C10orf53: variants seen among roughly 807,000 people sequenced by gnomAD.
C10orf53 encodes UPF0728 protein C10orf53.
A neutral mutation model predicts 9.4 loss-of-function variants in C10orf53; 8 were observed. The observed-to-expected ratio is 0.85, with a 90% CI of 0.50 to 1.53. The LOEUF is 1.53. Among genes scored for constraint, C10orf53 ranks in the 40% most tolerant of loss-of-function variants. C10orf53 has a pLI of 0.00. For synonymous variants in C10orf53, 48 were observed against 46.0 expected (o/e 1.04, Z -0.18); for missense variants, 117 against 117.8 (o/e 0.99, Z 0.03).
rs1479389216 is a variant in C10orf53, at chr10:49,696,634, C to A, written c.*2032C>A. Among the ~76,000 whole-genome samples, 1 of 152,136 alleles carries A rather than the reference C, an allele frequency of 6.6e-6. No individual in the cohort carries two copies. Among genetic ancestry groups the A allele is most frequent in the Non-Finnish European group, 1.5e-5 (1 of 68,046 alleles). ...GACAGTACACGGATTCTAAGAAATA[C>A]CGGAGAAGCTTCTGGGAGATGCCTG... On this transcript the variant is annotated 3_prime_UTR_variant, in exon 3 of 3. Coordinates refer to ENST00000374111, the MANE Select transcript of C10orf53 (RefSeq NM_001042427.3).
At chr10:49,692,369 A>T (rs1840593178) in intron 1 of C10orf53, among the ~76,000 whole-genome samples, 1 of 152,358 alleles carries the variant, frequency 6.6e-6, no homozygotes, top group Admixed American at 6.5e-5. Flanking sequence ...CCTTTCCAGA[A>T]GTGAAATTAA....
chr10:49,689,494 G>A (rs1840561480), intron 1 of C10orf53, among the ~76,000 whole-genome samples: 1 of 152,150 alleles, frequency 6.6e-6, no homozygotes, highest in Non-Finnish European at 1.5e-5. Context: ...GTAGAATCCA[G>A]CTGTTCCATT....
At chr10:49,699,617 G>GCA (rs572082781), downstream of C10orf53, among the ~76,000 whole-genome samples, 257 of 152,128 alleles carry the variant, frequency 1.7e-3, 1 homozygote, top group African/African-American at 5.5e-3. Flanking sequence ...CTTGCAGGGG[G>GCA]CACTCCAGTT....
Position 49,709,945 on chromosome 10 carries a change from CTGTGTGTG to C in C10orf53, c.*1348_*1355del, listed in dbSNP as rs147584592. 6.7e-3 allele frequency: 753 copies of C among 112,094 alleles called. 3 individuals carry two copies. The highest frequency in any genetic ancestry group is 9.9e-3 in the Non-Finnish European group (504 of 50,968). The allele number at this position is 112,094 out of a possible 1,614,324, so 6.9% of individuals were successfully genotyped here. ...CTGATGAATGCCTGGCACCCTATAT[CTGTGTGTG>C]TGTGTGTGTGTGTGTGTGTCTGTGT... On this transcript the variant is annotated 3_prime_UTR_variant, in exon 3 of 3. Coordinates refer to the C10orf53 transcript ENST00000374112.
At chr10:49,694,458 G>T in intron 2 of C10orf53, 80 bp from the exon 3 acceptor site, 1 of 1,575,494 alleles carries the variant, frequency 6.3e-7, no homozygotes, top group African/African-American at 1.3e-5. Context: ...TGCACTCTGG[G>T]TGGAAGCCAT....
chr10:49,683,220 C>T (rs774173785), intron 1 of C10orf53, among the ~76,000 whole-genome samples: 3 of 152,206 alleles, frequency 2.0e-5, no homozygotes, highest in South Asian at 2.1e-4. Context: ...TTACAGCCAT[C>T]GCAGTAGGTG....
intron 1 of C10orf53, among the ~76,000 whole-genome samples, chr10:49,693,546 A>G (rs1206908795): frequency 6.6e-6 from 1 of 152,226 alleles, no homozygotes; most frequent in African/African-American, 2.4e-5. Context: ...ACCTTGGTGT[A>G]GGACAAACCG....
intron 1 of C10orf53, among the ~76,000 whole-genome samples, chr10:49,683,140 T>C (rs970193021): frequency 1.4e-4 from 21 of 152,226 alleles, no homozygotes; most frequent in Non-Finnish European, 1.8e-4. Context: ...CAAACTGTTT[T>C]CCAAAGCAGC....
intron 1 of C10orf53, among the ~76,000 whole-genome samples, chr10:49,686,320 A>G (rs1344261192): frequency 6.6e-6 from 1 of 152,200 alleles, no homozygotes; most frequent in Non-Finnish European, 1.5e-5. Context: ...CTGAGAATGT[A>G]CGTCACCTCA....
chr10:49,708,356 C>T (rs771700473), intron 2 of C10orf53: 2 of 1,613,164 alleles, frequency 1.2e-6, no homozygotes, highest in South Asian at 2.2e-5. Context: ...TGTCTTTGTT[C>T]TCAGGCAAGC....
intron 2 of C10orf53, among the ~76,000 whole-genome samples, chr10:49,703,646 C>T (rs1840701267): frequency 6.6e-6 from 1 of 152,166 alleles, no homozygotes; most frequent in Admixed American, 6.5e-5. Context: ...GATGCCTGGT[C>T]TTGTGATAAA....
rs541712771 is a variant in C10orf53, at chr10:49,697,376, C to T, written c.*2774C>T. 5.9e-5 allele frequency among the ~76,000 whole-genome samples: 9 copies of T among 152,256 alleles called. No homozygotes were observed. The East Asian group carries it at 1.7e-3, about 29-fold the overall frequency. ...AGAAGCAAGAGACACAGCTTGCTCCCCATCAAAGGCAAAAGTGCCCTGTGC... is the reference window on the plus strand; with the variant it reads ...AGAAGCAAGAGACACAGCTTGCTCCTCATCAAAGGCAAAAGTGCCCTGTGC... On this transcript the variant is annotated 3_prime_UTR_variant, in exon 3 of 3. Coordinates refer to ENST00000374111, the MANE Select transcript of C10orf53 (RefSeq NM_001042427.3).
chr10:49,708,383 C>A, exon 3 of C10orf53: 1 of 1,614,138 alleles, frequency 6.2e-7, no homozygotes, highest in Non-Finnish European at 8.5e-7. Context: ...CAAGTAGTGA[C>A]AAGAGGACCA....
In C10orf53 at chr10:49,708,369, AC is replaced by A. The variant is rs771907783; in HGVS notation, c.230del (p.Pro77GlnfsTer13). 4 of 1,613,938 alleles carry A rather than the reference AC, an allele frequency of 2.5e-6. No individual in the cohort carries two copies. Among genetic ancestry groups the A allele is most frequent in the South Asian group, 2.2e-5 (2 of 91,036 alleles). ...GTTGTCTTTGTTCTCAGGCAAGCTC[AC>A]CCCAAGTAGTGACAAGAGGACCACC... On this transcript the variant is annotated frameshift_variant, in exon 3 of 3. Coordinates refer to the C10orf53 transcript ENST00000374112. LOFTEE classifies it low-confidence loss of function (END_TRUNC).
intron 1 of C10orf53, among the ~76,000 whole-genome samples, chr10:49,680,036 A>C (rs1840464768): frequency 6.6e-6 from 1 of 152,264 alleles, no homozygotes; most frequent in Admixed American, 6.5e-5. Flanking sequence ...AATTACCTCC[A>C]TAGAAAAAAT....
chr10:49,704,795 CTG>C (rs1840711196), intron 2 of C10orf53, among the ~76,000 whole-genome samples: 1 of 152,110 alleles, frequency 6.6e-6, no homozygotes, highest in South Asian at 2.1e-4. Flanking sequence ...TTATAGGACT[CTG>C]TGTTGGTAAG....
intron 2 of C10orf53, among the ~76,000 whole-genome samples, chr10:49,703,228 A>G (rs1185205808): frequency 6.6e-6 from 1 of 152,140 alleles, no homozygotes; most frequent in Non-Finnish European, 1.5e-5. Flanking sequence ...ATTCATGCAC[A>G]TCACTAATTA....
intron 1 of C10orf53, among the ~76,000 whole-genome samples, chr10:49,685,681 A>C (rs188671641): frequency 6.6e-6 from 1 of 152,082 alleles, no homozygotes; most frequent in Admixed American, 6.5e-5. Flanking sequence ...TCTGGCCTCC[A>C]TGGATTCTGA....
In C10orf53 at chr10:49,695,742, C is replaced by G. The variant is rs1840628823; in HGVS notation, c.*1140C>G. On this transcript the variant is annotated 3_prime_UTR_variant, in exon 3 of 3. Coordinates refer to ENST00000374111, the MANE Select transcript of C10orf53 (RefSeq NM_001042427.3). ...TTTTAAAACCCCAGCCCAAGCTTCACTTGTCAGAGTTGATTCAGGGATTGT... is the reference window on the plus strand; with the variant it reads ...TTTTAAAACCCCAGCCCAAGCTTCAGTTGTCAGAGTTGATTCAGGGATTGT... 2.0e-5 allele frequency: 3 copies of G among 152,246 alleles called. 1 individual carries two copies. In the South Asian group the frequency reaches 6.2e-4, roughly 32 times the overall value. The allele number at this position is 152,246 out of a possible 1,614,324, so 9.4% of individuals were successfully genotyped here.
Sources: allele counts gnomAD v4.1 joint callset (sites outside exome capture counted in the v4.1 genomes callset), GRCh38; gene constraint gnomAD v4.1.1; transcripts MANE v1.5; gene names NCBI Gene and HGNC (gene_info 2026-07-23, HGNC 2026-07-21).